Variants in GRM1 observed in about 807,000 individuals in gnomAD.
GRM1 encodes glutamate metabotropic receptor 1.
GRM1 carries 33 observed loss-of-function variants against 90.9 expected under a neutral mutation model. That is an observed-to-expected ratio of 0.36 (90% CI 0.28 to 0.49). The LOEUF is 0.49. GRM1 is among the 20% of genes least tolerant of loss of function. The probability of loss-of-function intolerance (pLI) is 0.99; values close to 1 mark genes in which losing one functional copy is unlikely to be tolerated. For synonymous variants in GRM1, 700 were observed against 613.2 expected (o/e 1.14, Z -2.09); for missense variants, 1,190 against 1,534.3 (o/e 0.78, Z 3.75).
At chr6:146,289,467 A>T (rs1162347104) in intron 2 of GRM1, among the ~76,000 whole-genome samples, 1 of 152,252 alleles carries the variant, frequency 6.6e-6, no homozygotes, top group Non-Finnish European at 1.5e-5. Context: ...GACAATTTTT[A>T]AAATTAAAAA....
chr6:146,058,838 A>G (rs973400529), intron 1 of GRM1, among the ~76,000 whole-genome samples: 1 of 152,118 alleles, frequency 6.6e-6, no homozygotes, highest in Admixed American at 6.6e-5. Context: ...CCATTTTCTT[A>G]GTTCATCCAG....
chr6:146,408,883 G>A (rs751178812), intron 7 of GRM1, among the ~76,000 whole-genome samples: 1 of 152,140 alleles, frequency 6.6e-6, no homozygotes, highest in Non-Finnish European at 1.5e-5. Flanking sequence ...GAAGCAGACT[G>A]TGTGAACGTG....
At chr6:146,421,111 G>C (rs9390386) in intron 7 of GRM1, among the ~76,000 whole-genome samples, 1 of 151,780 alleles carries the variant, frequency 6.6e-6, no homozygotes, top group Non-Finnish European at 1.5e-5. Context: ...ACTTTGCAAA[G>C]CAATTTGGTA....
intron 1 of GRM1, among the ~76,000 whole-genome samples, chr6:146,102,198 C>T (rs9403770): frequency 0.37 from 56,245 of 151,916 alleles, 11,128 homozygotes; most frequent in Middle Eastern, 0.52. Context: ...GGCTCCTCAC[C>T]AGGGTCTTGC....
At chr6:146,422,271 A>G (rs536101305) in intron 7 of GRM1, among the ~76,000 whole-genome samples, 2 of 152,320 alleles carry the variant, frequency 1.3e-5, no homozygotes, top group South Asian at 2.1e-4. Flanking sequence ...AAAAGTCTGG[A>G]AGAGAGAGAA....
At chr6:146,064,602 C>T (rs551402676) in intron 1 of GRM1, among the ~76,000 whole-genome samples, 2 of 151,602 alleles carry the variant, frequency 1.3e-5, no homozygotes, top group African/African-American at 4.8e-5. Flanking sequence ...CCTTGATCCA[C>T]TAATTTTTAA....
At chr6:146,054,990 G>A (rs1018472226) in intron 1 of GRM1, among the ~76,000 whole-genome samples, 1 of 151,976 alleles carries the variant, frequency 6.6e-6, no homozygotes, top group Non-Finnish European at 1.5e-5. Flanking sequence ...AGTGCTGGAT[G>A]AGTGAGGAGA....
intron 1 of GRM1, among the ~76,000 whole-genome samples, chr6:146,095,868 A>C (rs1776856834): frequency 6.6e-6 from 1 of 152,182 alleles, no homozygotes; most frequent in South Asian, 2.1e-4. Flanking sequence ...ATCTCTGCCA[A>C]GTGATCTCCC....
chr6:146,382,090 A>G (rs533966487), intron 5 of GRM1, among the ~76,000 whole-genome samples: 5 of 152,168 alleles, frequency 3.3e-5, no homozygotes, highest in Non-Finnish European at 7.4e-5. Context: ...TAGGTCTTAG[A>G]AAGCCTTAGT....
intron 1 of GRM1, among the ~76,000 whole-genome samples, chr6:146,151,768 A>G (rs1272916967): frequency 6.6e-6 from 1 of 152,138 alleles, no homozygotes; most frequent in African/African-American, 2.4e-5. Context: ...TTCAGTGCCT[A>G]TCTTAACTTT....
intron 2 of GRM1, among the ~76,000 whole-genome samples, chr6:146,298,129 A>G (rs1342729417): frequency 6.6e-6 from 1 of 152,080 alleles, no homozygotes; most frequent in Non-Finnish European, 1.5e-5. Context: ...CATTCTCTAC[A>G]TTCATTTTAT....
intron 5 of GRM1, among the ~76,000 whole-genome samples, chr6:146,368,983 T>C (rs990883146): frequency 3.3e-5 from 5 of 152,086 alleles, no homozygotes; most frequent in African/African-American, 9.7e-5. Context: ...TCCAGGACTT[T>C]TCTTTGTTGA....
chr6:146,354,438 T>G (rs1785513719), intron 4 of GRM1, among the ~76,000 whole-genome samples: 1 of 151,392 alleles, frequency 6.6e-6, no homozygotes, highest in South Asian at 2.1e-4. Context: ...TTTTTGACAC[T>G]TCATGTATTC....
intron 1 of GRM1, among the ~76,000 whole-genome samples, chr6:146,047,746 C>T (rs1277505905): frequency 2.0e-5 from 3 of 151,942 alleles, no homozygotes; most frequent in Non-Finnish European, 4.4e-5. Context: ...TTCTCCATGG[C>T]ATTTATCTAG....
At chr6:146,046,004 C>T (rs753400560) in intron 1 of GRM1, among the ~76,000 whole-genome samples, 2 of 151,842 alleles carry the variant, frequency 1.3e-5, no homozygotes, top group Non-Finnish European at 2.9e-5. Flanking sequence ...AGTAGGAGGA[C>T]CTGGATTTGA....
chr6:146,214,901 A>G (rs968748780), intron 2 of GRM1, among the ~76,000 whole-genome samples: 3 of 152,202 alleles, frequency 2.0e-5, no homozygotes, highest in African/African-American at 4.8e-5. Flanking sequence ...ATTCCTGGGA[A>G]CAGTGACAGG....
At chr6:146,383,821 G>A (rs772232468) in intron 5 of GRM1, among the ~76,000 whole-genome samples, 1 of 152,088 alleles carries the variant, frequency 6.6e-6, no homozygotes, top group South Asian at 2.1e-4. Context: ...TATTGTGTTA[G>A]AGAGGAACTT....
chr6:146,278,307 TAA>T (rs926829880), intron 2 of GRM1, among the ~76,000 whole-genome samples: 3 of 152,184 alleles, frequency 2.0e-5, no homozygotes, highest in African/African-American at 7.2e-5. Context: ...CTTAGAAAGT[TAA>T]AGAGATTACT....
intron 1 of GRM1, among the ~76,000 whole-genome samples, chr6:146,041,498 C>T (rs532200975): frequency 2.6e-5 from 4 of 152,094 alleles, no homozygotes; most frequent in African/African-American, 9.6e-5. Context: ...AGGTTTCCCA[C>T]AGCTCTCACA....
Sources: gnomAD v4.1 joint callset for allele counts (sites outside exome capture counted in the v4.1 genomes callset) on GRCh38, gnomAD v4.1.1 for gene constraint, MANE v1.5 for transcripts, NCBI Gene and HGNC (gene_info 2026-07-23, HGNC 2026-07-21) for gene names.